PPME1: variants seen among roughly 807,000 people sequenced by gnomAD.
PPME1 encodes testicular secretory protein Li 39.
In PPME1, 17 loss-of-function variants were observed where a neutral mutation model predicts 56.9. That is an observed-to-expected ratio of 0.30 (90% CI 0.20 to 0.45). The LOEUF is 0.45. Ranked by LOEUF, PPME1 falls within the 20% of genes least tolerant of loss-of-function variation. PPME1 has a pLI of 1.00. For missense variants in PPME1, 357 were observed against 483.2 expected (o/e 0.74, Z 2.45); for synonymous variants, 122 against 156.2 (o/e 0.78, Z 1.63).
In PPME1 at chr11:74,172,623, A is replaced by C. The variant is rs554387027; in HGVS notation, c.101+1101A>C. ...GCCAGGTTAGGGGATACTTGGGCCGAGGAGAAAGAATGAGGTGAACATGGG... is the reference window on the plus strand; with the variant it reads ...GCCAGGTTAGGGGATACTTGGGCCGCGGAGAAAGAATGAGGTGAACATGGG... On this transcript the variant is annotated intron_variant, in intron 1 of 13. Transcript: ENST00000328257. 3.3e-5 allele frequency among the ~76,000 whole-genome samples: 5 copies of C among 152,338 alleles called. No homozygotes were observed. The South Asian group carries it at 1.0e-3, about 32-fold the overall frequency.
At chr11:74,209,254 G>A (rs1009549490) in intron 3 of PPME1, among the ~76,000 whole-genome samples, 8 of 151,946 alleles carry the variant, frequency 5.3e-5, no homozygotes, top group South Asian at 2.1e-4. Flanking sequence ...CCACAGGTGC[G>A]CGCTGCCACA....
intron 3 of PPME1, among the ~76,000 whole-genome samples, chr11:74,212,679 G>A (rs992774784): frequency 1.3e-5 from 2 of 151,934 alleles, no homozygotes; most frequent in Admixed American, 6.5e-5. Context: ...AGTAGGATAA[G>A]GCACCAGGCA....
chr11:74,251,437 G>T, intron 12 of PPME1: 1 of 1,407,330 alleles, frequency 7.1e-7, no homozygotes, highest in Non-Finnish European at 9.2e-7. Flanking sequence ...CATTCCTCTT[G>T]AGCTCTATGG....
intron 9 of PPME1, among the ~76,000 whole-genome samples, chr11:74,242,108 C>T (rs959180327): frequency 6.6e-6 from 1 of 152,114 alleles, no homozygotes; most frequent in Non-Finnish European, 1.5e-5. Context: ...TTAGCTCTTA[C>T]ATTTAGGCCT....
At chr11:74,187,817 A>T (rs564707218) in intron 1 of PPME1, among the ~76,000 whole-genome samples, 1 of 152,354 alleles carries the variant, frequency 6.6e-6, no homozygotes, top group East Asian at 1.9e-4. Flanking sequence ...ATGTTATTTT[A>T]CATGGCAGAG....
At chr11:74,214,606 C>T (rs945350426) in intron 3 of PPME1, among the ~76,000 whole-genome samples, 1 of 151,878 alleles carries the variant, frequency 6.6e-6, no homozygotes, top group Non-Finnish European at 1.5e-5. Context: ...CAATGGAACT[C>T]CAGTACATCT....
chr11:74,227,421 G>A (rs1452490440), intron 5 of PPME1, among the ~76,000 whole-genome samples: 1 of 151,884 alleles, frequency 6.6e-6, no homozygotes, highest in Admixed American at 6.6e-5. Flanking sequence ...GATTCTTGCT[G>A]AAATTATCCA....
At chr11:74,178,281 T>C (rs1393117851) in intron 1 of PPME1, among the ~76,000 whole-genome samples, 1 of 152,184 alleles carries the variant, frequency 6.6e-6, no homozygotes, top group Non-Finnish European at 1.5e-5. Context: ...GTCTTTTAAT[T>C]TTTTCCCAGA....
At chr11:74,205,084 T>C (rs1858293969) in intron 3 of PPME1, 1 of 152,214 alleles carries the variant, frequency 6.6e-6, no homozygotes, top group African/African-American at 2.4e-5. Context: ...GAACCAGACA[T>C]TTTATTTAGG....
chr11:74,241,281 T>C (rs1223039055), intron 9 of PPME1, among the ~76,000 whole-genome samples: 1 of 152,232 alleles, frequency 6.6e-6, no homozygotes, highest in East Asian at 1.9e-4. Context: ...AAAATAAAAT[T>C]ATCAGGGTTC....
intron 3 of PPME1, among the ~76,000 whole-genome samples, chr11:74,212,112 C>T (rs541460929): frequency 6.6e-6 from 1 of 152,318 alleles, no homozygotes; most frequent in Admixed American, 6.5e-5. Flanking sequence ...ATAGAAACGA[C>T]AGTCTTGAAT....
intron 1 of PPME1, among the ~76,000 whole-genome samples, chr11:74,179,369 C>T (rs1273939710): frequency 6.6e-6 from 1 of 152,172 alleles, no homozygotes; most frequent in Admixed American, 6.5e-5. Flanking sequence ...TGGTGCGCAC[C>T]TGTTAGTCCC....
chr11:74,188,138 T>C (rs760744942), intron 1 of PPME1, among the ~76,000 whole-genome samples: 3 of 152,128 alleles, frequency 2.0e-5, no homozygotes, highest in African/African-American at 4.8e-5. Flanking sequence ...TAGGCCTTTG[T>C]AGTAGACATA....
intron 9 of PPME1, among the ~76,000 whole-genome samples, chr11:74,243,749 C>T (rs762907708): frequency 1.3e-5 from 2 of 150,570 alleles, no homozygotes; most frequent in Non-Finnish European, 2.9e-5. Context: ...TCCCATCTGG[C>T]GATCTTTTTC....
chr11:74,236,362 C>T (rs1029258512), intron 8 of PPME1, among the ~76,000 whole-genome samples: 5 of 152,160 alleles, frequency 3.3e-5, no homozygotes, highest in African/African-American at 1.2e-4. Context: ...TCTGGCATAG[C>T]CTGAGTGAAA....
At chr11:74,231,119 A>G in intron 7 of PPME1, 117 bp downstream of exon 7, 3 of 842,068 alleles carry the variant, frequency 3.6e-6, no homozygotes, top group East Asian at 2.8e-5. Context: ...GTGCAGTGGC[A>G]TGATCCTAGC....
At chr11:74,225,341 G>C (rs1591052503) in intron 5 of PPME1, 85 bp downstream of exon 5, 1 of 997,092 alleles carries the variant, frequency 1.0e-6, no homozygotes, top group East Asian at 2.8e-5. Context: ...TTCCTGATGA[G>C]ATTGTTGGGG....
chr11:74,234,721 C>A (rs1859150067), intron 7 of PPME1, among the ~76,000 whole-genome samples: 2 of 152,164 alleles, frequency 1.3e-5, no homozygotes, highest in African/African-American at 4.8e-5. Flanking sequence ...AGCAAGATAA[C>A]TCTTTTGAGG....
intron 1 of PPME1, among the ~76,000 whole-genome samples, chr11:74,177,690 T>C (rs1348187336): frequency 6.6e-6 from 1 of 152,130 alleles, no homozygotes; most frequent in Non-Finnish European, 1.5e-5. Context: ...TCCCATAGAC[T>C]AGTGCCAGAA....
Sources: gnomAD v4.1 joint callset for allele counts (sites outside exome capture counted in the v4.1 genomes callset) on GRCh38, gnomAD v4.1.1 for gene constraint, MANE v1.5 for transcripts, NCBI Gene and HGNC (gene_info 2026-07-23, HGNC 2026-07-21) for gene names.